MACROD2: variants seen among roughly 807,000 people sequenced by gnomAD.
MACROD2 encodes the protein mono-ADP ribosylhydrolase 2.
A neutral mutation model predicts 70.4 loss-of-function variants in MACROD2; 36 were observed. That is an observed-to-expected ratio of 0.51 (90% CI 0.39 to 0.68). MACROD2 has a LOEUF of 0.68. Ranked by LOEUF, MACROD2 falls within the 30% of genes least tolerant of loss-of-function variation. The pLI, the probability that MACROD2 is intolerant of heterozygous loss-of-function variation, is 0.00. For synonymous variants in MACROD2, 172 were observed against 178.8 expected (o/e 0.96, Z 0.30); for missense variants, 496 against 538.4 (o/e 0.92, Z 0.78).
intron 4 of MACROD2, among the ~76,000 whole-genome samples, chr20:14,648,644 A>G (rs942357300): frequency 1.3e-5 from 2 of 151,506 alleles, no homozygotes; most frequent in African/African-American, 2.4e-5. Flanking sequence ...ATATCTATCT[A>G]TCTCACATAC....
At chr20:14,279,333 A>G (rs992510712) in intron 3 of MACROD2, among the ~76,000 whole-genome samples, 5 of 152,178 alleles carry the variant, frequency 3.3e-5, no homozygotes, top group African/African-American at 9.7e-5. Context: ...ATCTAGGACA[A>G]TCATACCTTT....
chr20:14,018,557 A>G lies in MACROD2; in HGVS notation c.163+16153A>G, dbSNP rs1020285316. Among the ~76,000 whole-genome samples, 5 of 151,628 alleles carry G rather than the reference A, an allele frequency of 3.3e-5. No homozygotes were observed. In the South Asian group the frequency reaches 1.0e-3, roughly 32 times the overall value. On this transcript the variant is annotated intron_variant, in intron 2 of 17. Transcript: ENST00000684519. ...TCTTTTAGTTTTCCTTCTGTTATTG[A>G]TTTTTATCTCTTAAGTTATTTCTTC...
chr20:14,777,637 C>T (rs760957371), intron 5 of MACROD2, among the ~76,000 whole-genome samples: 4 of 151,752 alleles, frequency 2.6e-5, no homozygotes, highest in African/African-American at 9.7e-5. Context: ...GCTAGAGTGG[C>T]GCCAGAGAAC....
intron 8 of MACROD2, among the ~76,000 whole-genome samples, chr20:15,754,926 T>C (rs2051326547): frequency 6.6e-6 from 1 of 151,888 alleles, no homozygotes; most frequent in Non-Finnish European, 1.5e-5. Context: ...TGGTGTAATC[T>C]TGGCTCACTG....
At chr20:14,589,093 C>G (rs1349889337) in intron 4 of MACROD2, among the ~76,000 whole-genome samples, 2 of 152,042 alleles carry the variant, frequency 1.3e-5, no homozygotes, top group Non-Finnish European at 2.9e-5. Flanking sequence ...TCTTTGTATT[C>G]TAACACATGA....
intron 3 of MACROD2, among the ~76,000 whole-genome samples, chr20:14,110,721 A>G (rs1201472383): frequency 6.6e-6 from 1 of 152,036 alleles, no homozygotes; most frequent in African/African-American, 2.4e-5. Context: ...GAAATTGAAG[A>G]TAACACACAC....
At chr20:15,939,804 T>A (rs2065723729) in intron 12 of MACROD2, among the ~76,000 whole-genome samples, 1 of 152,122 alleles carries the variant, frequency 6.6e-6, no homozygotes, top group Admixed American at 6.6e-5. Context: ...ATTAAGAATA[T>A]TCCTGAGAGA....
chr20:14,793,176 T>C (rs1380709559), intron 5 of MACROD2, among the ~76,000 whole-genome samples: 2 of 152,070 alleles, frequency 1.3e-5, no homozygotes, highest in African/African-American at 4.8e-5. Flanking sequence ...CTGTCTTCCC[T>C]GTACTTGTGT....
At chr20:15,802,818 GA>G (rs1209895806) in intron 8 of MACROD2, among the ~76,000 whole-genome samples, 1 of 151,824 alleles carries the variant, frequency 6.6e-6, no homozygotes, top group African/African-American at 2.4e-5. Flanking sequence ...AATCACATAA[GA>G]AATGAAAAAT....
chr20:14,510,314 G>T (rs1308973869), intron 4 of MACROD2, among the ~76,000 whole-genome samples: 1 of 144,500 alleles, frequency 6.9e-6, no homozygotes, highest in East Asian at 2.0e-4. Context: ...AGAATATGTT[G>T]TGTAATTCCA....
chr20:14,508,164 G>A lies in MACROD2; in HGVS notation c.301+14656G>A, dbSNP rs187903451. On this transcript the variant is annotated intron_variant, in intron 4 of 17. Coordinates refer to ENST00000684519, the MANE Select transcript of MACROD2 (RefSeq NM_001351661.2). ...ACAAGAGTTTCACCTCTGGTTCACC[G>A]TTAGGATCAGTGAAAACAGGAAGTG... Among the ~76,000 whole-genome samples, 477 of 152,308 alleles carry A rather than the reference G, an allele frequency of 3.1e-3. 4 individuals are homozygous for A. Among genetic ancestry groups the A allele is most frequent in the Admixed American group, 5.3e-3 (81 of 15,306 alleles).
intron 4 of MACROD2, among the ~76,000 whole-genome samples, chr20:14,559,859 A>G (rs1979307889): frequency 1.3e-5 from 2 of 151,848 alleles, no homozygotes; most frequent in African/African-American, 4.8e-5. Context: ...GTGTCATTAA[A>G]TGGAGACTGT....
At chr20:14,632,685 GA>G (rs764846546) in intron 4 of MACROD2, among the ~76,000 whole-genome samples, 3 of 152,148 alleles carry the variant, frequency 2.0e-5, no homozygotes, top group Non-Finnish European at 4.4e-5. Context: ...CTGATACAGA[GA>G]TGTTTATTTA....
intron 8 of MACROD2, among the ~76,000 whole-genome samples, chr20:15,740,923 A>G (rs756403799): frequency 2.0e-5 from 3 of 151,920 alleles, no homozygotes; most frequent in Non-Finnish European, 4.4e-5. Context: ...CACCTGTGCC[A>G]TCTCTTTCCT....
chr20:14,663,824 G>T (rs887070123), intron 4 of MACROD2, among the ~76,000 whole-genome samples: 3 of 151,880 alleles, frequency 2.0e-5, no homozygotes, highest in Non-Finnish European at 4.4e-5. Context: ...TAAACTATTT[G>T]TACAAACTCT....
intron 6 of MACROD2, among the ~76,000 whole-genome samples, chr20:15,329,835 C>T (rs1356704476): frequency 6.6e-6 from 1 of 152,042 alleles, no homozygotes; most frequent in Non-Finnish European, 1.5e-5. Context: ...GGGGCTCAGG[C>T]GTGCTACCCC....
intron 8 of MACROD2, among the ~76,000 whole-genome samples, chr20:15,839,461 C>T (rs979583998): frequency 6.6e-6 from 1 of 152,126 alleles, no homozygotes; most frequent in Non-Finnish European, 1.5e-5. Context: ...GGCTGGGCCT[C>T]GTAAGACCTT....
intron 5 of MACROD2, among the ~76,000 whole-genome samples, chr20:14,704,902 G>A (rs2071250964): frequency 6.6e-6 from 1 of 151,912 alleles, no homozygotes; most frequent in Admixed American, 6.6e-5. Context: ...ACAGCTAGGT[G>A]TTAGCTGTTA....
At chr20:14,484,580 C>T (rs1307823272) in intron 3 of MACROD2, among the ~76,000 whole-genome samples, 1 of 152,094 alleles carries the variant, frequency 6.6e-6, no homozygotes, top group African/African-American at 2.4e-5. Flanking sequence ...CACTTCCTCT[C>T]CACCCCTCGA....
Sources: allele counts gnomAD v4.1 joint callset (sites outside exome capture counted in the v4.1 genomes callset), GRCh38; gene constraint gnomAD v4.1.1; transcripts MANE v1.5; gene names NCBI Gene and HGNC (gene_info 2026-07-23, HGNC 2026-07-21).